Variants in KCTD1 observed in about 807,000 individuals in gnomAD.
KCTD1 encodes potassium channel tetramerization domain containing 1.
Under a neutral mutation model 66.0 loss-of-function variants are expected in KCTD1, and 24 were observed. That is an observed-to-expected ratio of 0.36 (90% CI 0.26 to 0.51). The LOEUF (loss-of-function observed/expected upper bound fraction) is 0.51. KCTD1 is among the 20% of genes least tolerant of loss of function. The probability of loss-of-function intolerance (pLI) is 0.95; values close to 1 mark genes in which losing one functional copy is unlikely to be tolerated. For missense variants in KCTD1, 943 were observed against 1,205.2 expected (o/e 0.78, Z 3.22); for synonymous variants, 511 against 517.2 (o/e 0.99, Z 0.16).
intron 1 of KCTD1, among the ~76,000 whole-genome samples, chr18:26,503,204 A>G (rs1982856331): frequency 6.6e-6 from 1 of 152,172 alleles, no homozygotes; most frequent in African/African-American, 2.4e-5. Flanking sequence ...TATTCTTTAT[A>G]TGTTTCTAGA....
upstream of KCTD1, among the ~76,000 whole-genome samples, chr18:26,550,011 T>C (rs1194209355): frequency 6.6e-6 from 1 of 152,090 alleles, no homozygotes; most frequent in Non-Finnish European, 1.5e-5. The surrounding 1 kb of genome is among the most constrained non-coding windows in gnomAD (Gnocchi z 5.4). Context: ...CAGGCCACTC[T>C]CGGAGCTCGT....
chr18:26,490,493 T>A (rs1982139403), intron 2 of KCTD1, among the ~76,000 whole-genome samples: 1 of 152,142 alleles, frequency 6.6e-6, no homozygotes, highest in African/African-American at 2.4e-5. Flanking sequence ...TGCCTTGAAT[T>A]AAAAACGATG....
At chr18:26,515,480 C>CT (rs1349526078) in intron 1 of KCTD1, among the ~76,000 whole-genome samples, 14 of 150,908 alleles carry the variant, frequency 9.3e-5, no homozygotes, top group African/African-American at 3.4e-4. Context: ...CCCACTAGGG[C>CT]TTAGACTCTG....
chr18:26,619,702 A>G (rs1226706284), intron 1 of KCTD1, among the ~76,000 whole-genome samples: 2 of 152,170 alleles, frequency 1.3e-5, no homozygotes, highest in African/African-American at 4.8e-5. Flanking sequence ...GCGGGCTTGT[A>G]AAATAGAAGC....
chr18:26,490,104 T>C (rs902729670), intron 2 of KCTD1, among the ~76,000 whole-genome samples: 10 of 152,106 alleles, frequency 6.6e-5, no homozygotes, highest in African/African-American at 2.2e-4. Context: ...CCAGAGTCAA[T>C]AGGAAAGGCC....
intron 1 of KCTD1, among the ~76,000 whole-genome samples, chr18:26,636,454 C>T (rs1239251177): frequency 2.0e-5 from 3 of 152,184 alleles, no homozygotes; most frequent in Non-Finnish European, 4.4e-5. Flanking sequence ...AGGTCCTTCC[C>T]TGCTGCCTGA....
At position 26,459,750 on chromosome 18, in the gene KCTD1, G is replaced by T; in HGVS notation, c.2309C>A (p.Ser770Tyr). 1 of 1,614,142 alleles carries T rather than the reference G, an allele frequency of 6.2e-7. No individual in the cohort carries two copies. Among genetic ancestry groups the T allele is most frequent in the Non-Finnish European group, 8.5e-7 (1 of 1,180,030 alleles). The change falls in exon 4 of 5, where the codon TCC (serine) becomes TAC (tyrosine). Residue 770 changes from serine (S) to tyrosine (Y), a missense_variant. Coordinates refer to ENST00000580059, the MANE Select transcript of KCTD1 (RefSeq NM_001142730.3). Reference sequence around the variant, plus strand: ...CTCTGGAAATACTTCTTCTATCAAGGATTTGTCACCGCTTAGCGTGATCCT... The same window carrying T: ...CTCTGGAAATACTTCTTCTATCAAGTATTTGTCACCGCTTAGCGTGATCCT... ...GERITLSGDK[S>Y]LIEEVFPEIG...
At chr18:26,499,876 A>G (rs1982666002) in intron 2 of KCTD1, among the ~76,000 whole-genome samples, 1 of 152,198 alleles carries the variant, frequency 6.6e-6, no homozygotes, top group African/African-American at 2.4e-5. Context: ...CCTATCCACC[A>G]GCAAAAAACT....
intron 1 of KCTD1, 121 bp downstream of exon 1, chr18:26,546,607 C>G: frequency 4.3e-6 from 5 of 1,167,668 alleles, no homozygotes; most frequent in Middle Eastern, 2.9e-4. Context: ...GAAACGAAAT[C>G]CGATTCAGTA....
intron 1 of KCTD1, among the ~76,000 whole-genome samples, chr18:26,626,801 AC>A (rs904004679): frequency 1.3e-5 from 2 of 152,194 alleles, no homozygotes; most frequent in Non-Finnish European, 2.9e-5. Context: ...AAGAAACAAG[AC>A]CTATCCATGG....
chr18:26,487,893 A>C (rs1414794647), intron 2 of KCTD1, among the ~76,000 whole-genome samples: 5 of 152,236 alleles, frequency 3.3e-5, no homozygotes, highest in Admixed American at 3.3e-4. Context: ...CCAGCTAAGA[A>C]GGATTCCTCA....
chr18:26,636,392 A>C (rs578081881), intron 1 of KCTD1, among the ~76,000 whole-genome samples: 1 of 152,202 alleles, frequency 6.6e-6, no homozygotes, highest in Non-Finnish European at 1.5e-5. Flanking sequence ...GCAAGCTGGG[A>C]CCCTGTGCCT....
At chr18:26,560,733 G>C (rs1985827597) in intron 1 of KCTD1, among the ~76,000 whole-genome samples, 1 of 152,202 alleles carries the variant, frequency 6.6e-6, no homozygotes, top group African/African-American at 2.4e-5. Context: ...TATTTTTCTA[G>C]AATTAAAATC....
At chr18:26,621,541 G>A (rs937227863) in intron 1 of KCTD1, among the ~76,000 whole-genome samples, 7 of 152,092 alleles carry the variant, frequency 4.6e-5, no homozygotes, top group Admixed American at 3.9e-4. Flanking sequence ...AGAGGAGGGA[G>A]GGGAAGGCAG....
chr18:26,564,069 A>C (rs1985925024), intron 1 of KCTD1, among the ~76,000 whole-genome samples: 1 of 151,770 alleles, frequency 6.6e-6, no homozygotes, highest in Non-Finnish European at 1.5e-5. Context: ...GGCACGTAGA[A>C]GGTATTTGAC....
chr18:26,654,451 A>G (rs1036676688), intron 1 of KCTD1, among the ~76,000 whole-genome samples: 1 of 152,190 alleles, frequency 6.6e-6, no homozygotes, highest in Non-Finnish European at 1.5e-5. Flanking sequence ...CACATTACTT[A>G]AGTAAATATG....
chr18:26,627,520 C>A (rs936742201), intron 1 of KCTD1, among the ~76,000 whole-genome samples: 1 of 152,148 alleles, frequency 6.6e-6, no homozygotes, highest in Admixed American at 6.6e-5. Context: ...TTCAATTGTG[C>A]AACTAATTAT....
intron 2 of KCTD1, among the ~76,000 whole-genome samples, chr18:26,484,268 GA>G (rs1460790423): frequency 6.6e-6 from 1 of 152,144 alleles, no homozygotes; most frequent in Non-Finnish European, 1.5e-5. Flanking sequence ...AGAGAAGGGG[GA>G]AAATACCTTC....
At chr18:26,461,941 AC>A (rs1980456275) in intron 3 of KCTD1, among the ~76,000 whole-genome samples, 1 of 151,976 alleles carries the variant, frequency 6.6e-6, no homozygotes, top group South Asian at 2.1e-4. Flanking sequence ...ACATGACGAA[AC>A]CCCGTCTCTA....
Sources: allele counts gnomAD v4.1 joint callset (sites outside exome capture counted in the v4.1 genomes callset), GRCh38; gene constraint gnomAD v4.1.1; non-coding constraint Gnocchi (gnomAD v3.1); transcripts MANE v1.5; gene names NCBI Gene and HGNC (gene_info 2026-07-23, HGNC 2026-07-21).